Variants in SLC9A8 observed in about 807,000 individuals in gnomAD.
SLC9A8 encodes solute carrier family 9 member A8.
SLC9A8 carries 48 observed loss-of-function variants against 66.6 expected under a neutral mutation model. That is an observed-to-expected ratio of 0.72 (90% CI 0.57 to 0.92). The LOEUF is 0.92. Among genes scored for constraint, SLC9A8 ranks in the 40% least tolerant of loss-of-function variants. The probability of loss-of-function intolerance (pLI) is 0.00; values close to 1 mark genes in which losing one functional copy is unlikely to be tolerated. For missense variants in SLC9A8, 599 were observed against 747.3 expected (o/e 0.80, Z 2.31); for synonymous variants, 274 against 282.6 (o/e 0.97, Z 0.31).
At position 49,836,087 on chromosome 20, in the gene SLC9A8, T is replaced by G. The variant is rs2087523669; in HGVS notation, c.290-3454T>G. 7.2e-5 allele frequency among the ~76,000 whole-genome samples: 11 copies of G among 152,156 alleles called. No individual in the cohort carries two copies. The South Asian group carries it at 2.3e-3, about 32-fold the overall frequency. ...AAAAAGAAACCACATGCCCTTTAGC[T>G]CTCCTCCCTGTCCCTGGGCAACCAT... is the stretch of plus-strand genomic sequence containing the variant. On this transcript the variant is annotated intron_variant, in intron 3 of 15. Transcript: ENST00000361573.
At chr20:49,831,412 T>A (rs939656533) in intron 3 of SLC9A8, among the ~76,000 whole-genome samples, 4 of 125,810 alleles carry the variant, frequency 3.2e-5, no homozygotes, top group African/African-American at 5.5e-5. Context: ...ACTCTCTCTC[T>A]CTCTCTCTCT....
intron 2 of SLC9A8, among the ~76,000 whole-genome samples, chr20:49,815,952 T>C (rs2086534172): frequency 6.6e-6 from 1 of 152,180 alleles, no homozygotes. Context: ...GTGAATTTTA[T>C]TTAATGGTTT....
chr20:49,843,351 T>C (rs186710368), intron 4 of SLC9A8, among the ~76,000 whole-genome samples: 1 of 152,192 alleles, frequency 6.6e-6, no homozygotes, highest in African/African-American at 2.4e-5. Context: ...TTGTACATGC[T>C]GCTATTTTAA....
chr20:49,828,390 T>C (rs576064465), intron 3 of SLC9A8, among the ~76,000 whole-genome samples: 38 of 151,750 alleles, frequency 2.5e-4, no homozygotes, highest in African/African-American at 9.2e-4. Context: ...CCTAATTTTA[T>C]ATATATATTT....
In SLC9A8 at chr20:49,881,005, C is replaced by T. The variant is rs753858260; in HGVS notation, c.1240C>T (p.Pro414Ser). 4 of 1,613,380 alleles carry T rather than the reference C, an allele frequency of 2.5e-6. No homozygotes were observed. The Admixed American group carries it at 6.7e-5, about 27-fold the overall frequency. Residue 414 changes from proline to serine, a missense_variant, in exon 13 of 16, where the codon CCG becomes TCG. This residue lies in a region of SLC9A8 where 467 missense variants were observed against 626.5 expected (regional missense o/e 0.75). Coordinates refer to ENST00000361573, the MANE Select transcript of SLC9A8 (RefSeq NM_015266.3). Reference protein sequence around the residue: ...LNFFRDHKITPKMMFIMWFSG... With the variant: ...LNFFRDHKITSKMMFIMWFSG... The stretch of plus-strand genomic sequence containing the variant: ...TTTCTTCCGGGATCATAAAATCACA[C>T]CGAAGATGATGTTCATCATGTGGTT...
chr20:49,863,292 A>T (rs781580807), intron 9 of SLC9A8, among the ~76,000 whole-genome samples: 1 of 152,202 alleles, frequency 6.6e-6, no homozygotes, highest in African/African-American at 2.4e-5. Flanking sequence ...AAACATGTAC[A>T]CTGTTGGATA....
intron 7 of SLC9A8, among the ~76,000 whole-genome samples, chr20:49,851,134 G>T (rs554474428): frequency 6.6e-6 from 1 of 152,302 alleles, no homozygotes; most frequent in African/African-American, 2.4e-5. Flanking sequence ...CTGTGTGCAC[G>T]CGTACACTGT....
chr20:49,853,161 G>C (rs566429899), intron 7 of SLC9A8, among the ~76,000 whole-genome samples: 41 of 152,318 alleles, frequency 2.7e-4, no homozygotes, highest in African/African-American at 8.4e-4. Context: ...GAACTTGGGA[G>C]CCTGTGGTGG....
At chr20:49,845,540 CCTT>C (rs1160229690) in intron 5 of SLC9A8, among the ~76,000 whole-genome samples, 1 of 152,170 alleles carries the variant, frequency 6.6e-6, no homozygotes, top group Non-Finnish European at 1.5e-5. Flanking sequence ...GCCTTTCTAA[CCTT>C]CTCAGGCCCA....
chr20:49,832,828 G>A (rs1352104429), intron 3 of SLC9A8, among the ~76,000 whole-genome samples: 1 of 152,086 alleles, frequency 6.6e-6, no homozygotes, highest in African/African-American at 2.4e-5. Context: ...AGTCAGTGTT[G>A]TCTTAATATT....
intron 12 of SLC9A8, among the ~76,000 whole-genome samples, chr20:49,879,363 T>G (rs1006041077): frequency 9.2e-5 from 14 of 152,234 alleles, no homozygotes; most frequent in African/African-American, 3.4e-4. Context: ...TCCTGCCTTG[T>G]CAACTTGGAC....
intron 3 of SLC9A8, among the ~76,000 whole-genome samples, chr20:49,831,668 C>G (rs1002356322): frequency 6.6e-6 from 1 of 152,200 alleles, no homozygotes; most frequent in African/African-American, 2.4e-5. Flanking sequence ...CCAGACCAGA[C>G]TCCAGACAGA....
rs2089969387 is a variant in SLC9A8 at position 49,888,438 on chromosome 20, C to T, written c.*502C>T. The stretch of plus-strand genomic sequence containing the variant: ...ACCTAAGTGGCAGGGCCCAGAAATC[C>T]TGAAAACCTCCCGCTGCCTTTTGTG... On this transcript the variant is annotated 3_prime_UTR_variant, in exon 16 of 16. Coordinates refer to ENST00000361573, the MANE Select transcript of SLC9A8 (RefSeq NM_015266.3). The T allele has an allele frequency of 6.2e-6, 1 of 160,578 alleles. No individual in the cohort carries two copies. The highest frequency in any genetic ancestry group is 2.4e-5 in the African/African-American group (1 of 41,482). 9.9% of individuals were successfully genotyped at this position (160,578 alleles called of 1,614,324 possible). A position where few individuals can be genotyped will look rare whatever the true frequency, so the allele number is the denominator to read the frequency against.
chr20:49,850,292 G>GT (rs1277334073), intron 6 of SLC9A8, among the ~76,000 whole-genome samples: 1 of 152,308 alleles, frequency 6.6e-6, no homozygotes, highest in East Asian at 1.9e-4. Context: ...AGTATCTGTA[G>GT]TTTTGTATTA....
Position 49,891,361 on chromosome 20 carries a change from G to C in SLC9A8, c.*3425G>C, listed in dbSNP as rs1261392976. Reference sequence around the variant, plus strand: ...GCATCTCCACAGCCCCGGGTCCTCTGTCTAACGCCCTCCATTTCACGCCCT... The same window carrying C: ...GCATCTCCACAGCCCCGGGTCCTCTCTCTAACGCCCTCCATTTCACGCCCT... On this transcript the variant is annotated 3_prime_UTR_variant, in exon 16 of 16. Transcript: ENST00000361573. 6.6e-6 allele frequency: 1 copy of C among 152,162 alleles called. No homozygotes were observed. The highest frequency in any genetic ancestry group is 2.4e-5 in the African/African-American group (1 of 41,416). The allele number at this position is 152,162 out of a possible 1,614,324, so 9.4% of individuals were successfully genotyped here. A position where few individuals can be genotyped will look rare whatever the true frequency, so the allele number is the denominator to read the frequency against.
At chr20:49,876,213 C>T (rs1397178396) in intron 11 of SLC9A8, among the ~76,000 whole-genome samples, 1 of 152,134 alleles carries the variant, frequency 6.6e-6, no homozygotes, top group Non-Finnish European at 1.5e-5. Context: ...ATTCCTGGGC[C>T]AGAGGGTATT....
rs545681688 is a variant in SLC9A8 at position 49,873,548 on chromosome 20, C to G, written c.959-1157C>G. Among the ~76,000 whole-genome samples the G allele has an allele frequency of 1.6e-4, 23 of 148,188 alleles. No individual in the cohort carries two copies. In the East Asian group the frequency reaches 4.4e-3, roughly 29 times the overall value. On this transcript the variant is annotated intron_variant, in intron 10 of 15. Transcript: ENST00000361573. ...CGCCTGTAATCCCAGCACATTGGCACAATCCTGAAGTCAGGAGTTCGAGAC... is the reference window on the plus strand; with the variant it reads ...CGCCTGTAATCCCAGCACATTGGCAGAATCCTGAAGTCAGGAGTTCGAGAC...
intron 8 of SLC9A8, among the ~76,000 whole-genome samples, chr20:49,856,665 T>C (rs1396395041): frequency 6.6e-6 from 1 of 151,548 alleles, no homozygotes; most frequent in East Asian, 1.9e-4. Flanking sequence ...CTACTGAAAA[T>C]ACAAAAATTA....
intron 13 of SLC9A8, among the ~76,000 whole-genome samples, chr20:49,882,668 C>T (rs1026313039): frequency 2.0e-5 from 3 of 152,228 alleles, no homozygotes; most frequent in African/African-American, 7.2e-5. Context: ...GGGATGCTGT[C>T]ATCCCTATGC....
Sources: gnomAD v4.1 joint callset for allele counts (sites outside exome capture counted in the v4.1 genomes callset) on GRCh38, gnomAD v4.1.1 for gene constraint, gnomAD v4.1.1 regional missense constraint, MANE v1.5 for transcripts, NCBI Gene and HGNC (gene_info 2026-07-23, HGNC 2026-07-21) for gene names.